The following TAF3 variants were observed in gnomAD, a reference collection of about 807,000 sequenced individuals.
TAF3 encodes TATA-box binding protein associated factor 3, also known as transcription initiation factor TFIID subunit 3.
A neutral mutation model predicts 80.6 loss-of-function variants in TAF3; 7 were observed. That is an observed-to-expected ratio of 0.09 (90% CI 0.05 to 0.16). The LOEUF (loss-of-function observed/expected upper bound fraction) is 0.16. Ranked by LOEUF, TAF3 falls within the 10% of genes least tolerant of loss-of-function variation. TAF3 has a pLI of 1.00. For synonymous variants in TAF3, 444 were observed against 446.1 expected (o/e 1.00, Z 0.06); for missense variants, 921 against 1,140.2 (o/e 0.81, Z 2.77).
chr10:7,965,023 C>T lies in TAF3; in HGVS notation c.1513C>T (p.Leu505Phe). ...PSVSPPTPEP[L>F]HKVYEEKTKL... ...AGTGTCTCCTCCCACTCCCGAACCTCTCCACAAGGTGTATGAGGAGAAAAC... is the reference window on the plus strand; with the variant it reads ...AGTGTCTCCTCCCACTCCCGAACCTTTCCACAAGGTGTATGAGGAGAAAAC... Residue 505 changes from leucine to phenylalanine, a missense_variant, in exon 3 of 7, where the codon CTC (leucine) becomes TTC (phenylalanine). Around this residue, in one of 6 missense-constraint regions of TAF3, gnomAD observed 743 missense variants for 821.0 expected, o/e 0.90. Transcript: ENST00000344293. 6.2e-7 allele frequency: 1 copy of T among 1,614,074 alleles called. No individual in the cohort carries two copies.
intron 2 of TAF3, among the ~76,000 whole-genome samples, chr10:7,914,348 T>C (rs1292551860): frequency 6.6e-6 from 1 of 152,238 alleles, no homozygotes; most frequent in Non-Finnish European, 1.5e-5. Flanking sequence ...TTGGGGGAGA[T>C]ATTTGAAGCA....
At chr10:7,955,581 G>A (rs1168036710) in intron 2 of TAF3, among the ~76,000 whole-genome samples, 1 of 152,228 alleles carries the variant, frequency 6.6e-6, no homozygotes, top group Non-Finnish European at 1.5e-5. Context: ...TCTATGCCAT[G>A]TGCAAACAAT....
intron 1 of TAF3, 143 bp from the exon 2 acceptor site, chr10:7,824,175 A>T: frequency 1.0e-6 from 1 of 985,636 alleles, no homozygotes; most frequent in Non-Finnish European, 1.5e-6. Flanking sequence ...GATACTCTTT[A>T]AAATCTATTA....
At chr10:7,901,154 A>G (rs1056841778) in intron 2 of TAF3, among the ~76,000 whole-genome samples, 1 of 152,242 alleles carries the variant, frequency 6.6e-6, no homozygotes, top group African/African-American at 2.4e-5. Context: ...GCTGTCAATG[A>G]TTTTATTAAA....
At chr10:7,892,187 A>C (rs11255427) in intron 2 of TAF3, among the ~76,000 whole-genome samples, 1,875 of 152,306 alleles carry the variant, frequency 0.012, 49 homozygotes, top group African/African-American at 0.043. Context: ...GAAGAGTTTC[A>C]AATTTTCTAT....
chr10:7,916,393 TTTAG>T (rs1485213865), intron 2 of TAF3, among the ~76,000 whole-genome samples: 1 of 152,234 alleles, frequency 6.6e-6, no homozygotes, highest in Non-Finnish European at 1.5e-5. Context: ...ACATGTAGAT[TTTAG>T]TTAGCTATGA....
At chr10:7,888,880 GTTTTTCTTCTC>G (rs1837434391) in intron 2 of TAF3, among the ~76,000 whole-genome samples, 1 of 152,212 alleles carries the variant, frequency 6.6e-6, no homozygotes, top group African/African-American at 2.4e-5. Flanking sequence ...TTGAAGTAGA[GTTTTTCTTCTC>G]TACTGTTGGT....
chr10:7,838,365 T>TG (rs200854513), intron 2 of TAF3, among the ~76,000 whole-genome samples: 25,892 of 143,050 alleles, frequency 0.18, 2,651 homozygotes, highest in East Asian at 0.56. Context: ...TTTTGTTTTT[T>TG]TTTGTTGTTG....
intron 2 of TAF3, among the ~76,000 whole-genome samples, chr10:7,944,235 G>T (rs1696746687): frequency 6.6e-6 from 1 of 151,492 alleles, no homozygotes; most frequent in African/African-American, 2.4e-5. Flanking sequence ...AAACATACTG[G>T]AATACTGCCA....
At chr10:7,910,037 G>A (rs1837642162) in intron 2 of TAF3, among the ~76,000 whole-genome samples, 1 of 152,134 alleles carries the variant, frequency 6.6e-6, no homozygotes. Context: ...GTAAATAGTT[G>A]TTATACTGTA....
chr10:7,826,459 GTGT>G (rs1689638613), intron 2 of TAF3, among the ~76,000 whole-genome samples: 1 of 151,686 alleles, frequency 6.6e-6, no homozygotes, highest in South Asian at 2.1e-4. Flanking sequence ...GTTTTGTTTT[GTGT>G]TGTTTTGATA....
At chr10:7,976,406 C>T (rs1261369123) in intron 3 of TAF3, among the ~76,000 whole-genome samples, 1 of 150,842 alleles carries the variant, frequency 6.6e-6, no homozygotes, top group Non-Finnish European at 1.5e-5. Context: ...GCCACCATGA[C>T]TGGCTAATTT....
chr10:7,944,547 T>C (rs570058671), intron 2 of TAF3, among the ~76,000 whole-genome samples: 2 of 152,228 alleles, frequency 1.3e-5, no homozygotes, highest in Non-Finnish European at 2.9e-5. Context: ...AGGTCTAACT[T>C]TGTCTGAGAT....
intron 2 of TAF3, among the ~76,000 whole-genome samples, chr10:7,903,677 A>G (rs1286680182): frequency 1.3e-5 from 2 of 152,240 alleles, no homozygotes; most frequent in Non-Finnish European, 2.9e-5. Context: ...CACGATTTTC[A>G]GGAGACTACA....
intron 4 of TAF3, among the ~76,000 whole-genome samples, chr10:7,992,718 G>T (rs1235006161): frequency 6.6e-6 from 1 of 152,156 alleles, no homozygotes; most frequent in African/African-American, 2.4e-5. Context: ...TATGATTAAT[G>T]ATCTGAAATC....
At chr10:7,837,318 G>A (rs187971866) in intron 2 of TAF3, among the ~76,000 whole-genome samples, 8 of 146,200 alleles carry the variant, frequency 5.5e-5, no homozygotes, top group East Asian at 4.0e-4. Flanking sequence ...AGCCGAGATT[G>A]CACCACTGTG....
At chr10:7,998,232 G>A (rs1320118162) in intron 4 of TAF3, among the ~76,000 whole-genome samples, 1 of 131,320 alleles carries the variant, frequency 7.6e-6, no homozygotes, top group Non-Finnish European at 1.6e-5. Flanking sequence ...CAGAAAATCT[G>A]AGTGAGAACT....
intron 2 of TAF3, among the ~76,000 whole-genome samples, chr10:7,855,773 G>T (rs1837072678): frequency 6.6e-6 from 1 of 152,046 alleles, no homozygotes; most frequent in Non-Finnish European, 1.5e-5. Flanking sequence ...AGTCATGCAA[G>T]AGGAATTAAT....
chr10:7,833,926 T>G, intron 2 of TAF3: 1 of 521,856 alleles, frequency 1.9e-6, no homozygotes. Context: ...GAAGTGGGGC[T>G]TCAAGATCTT....
Sources: allele counts gnomAD v4.1 joint callset (sites outside exome capture counted in the v4.1 genomes callset), GRCh38; gene constraint gnomAD v4.1.1; regional missense constraint gnomAD v4.1.1; transcripts MANE v1.5; gene names NCBI Gene and HGNC (gene_info 2026-07-23, HGNC 2026-07-21).